LY9: variants seen among roughly 807,000 people sequenced by gnomAD.
LY9 encodes lymphocyte antigen 9, also known as T-lymphocyte surface antigen Ly-9.
Under a neutral mutation model 64.6 loss-of-function variants are expected in LY9, and 59 were observed. That is an observed-to-expected ratio of 0.91 (90% CI 0.74 to 1.13). LY9 has a LOEUF of 1.13. Among genes scored for constraint, LY9 ranks in the 50% most tolerant of loss-of-function variants. The pLI is 0.00. For missense variants in LY9, 789 were observed against 797.2 expected, an observed-to-expected ratio of 0.99 and a Z score of 0.12; for synonymous variants, 281 against 308.5, an observed-to-expected ratio of 0.91 and a Z score of 0.93.
At chr1:160,807,175 G>T (rs548825765) in intron 2 of LY9, among the ~76,000 whole-genome samples, 1 of 151,894 alleles carries the variant, frequency 6.6e-6, no homozygotes, top group African/African-American at 2.4e-5. Context: ...GAATTCTCTT[G>T]TATCTCACTG....
At chr1:160,813,506 T>A (rs1667687307) in intron 2 of LY9, 130 bp from the exon 3 acceptor site, 1 of 815,034 alleles carries the variant, frequency 1.2e-6, no homozygotes, top group Non-Finnish European at 1.9e-6. Flanking sequence ...GCAGAGAAGA[T>A]GTCCCTGCGA....
intron 2 of LY9, chr1:160,801,758 T>A (rs1229635153): frequency 6.5e-7 from 1 of 1,549,620 alleles, no homozygotes; most frequent in Non-Finnish European, 8.9e-7. Flanking sequence ...TTCAACTTCA[T>A]TCTTCTGCAT....
chr1:160,815,095 C>G (rs1394007849), intron 4 of LY9: 1 of 243,292 alleles, frequency 4.1e-6, no homozygotes, highest in Non-Finnish European at 8.1e-6. Flanking sequence ...AATCCCGGTA[C>G]TTTGGGAGGC....
chr1:160,823,921 A>C, intron 8 of LY9, 125 bp downstream of exon 8: 1 of 817,552 alleles, frequency 1.2e-6, no homozygotes, highest in Non-Finnish European at 2.0e-6. Context: ...GCATACGGGC[A>C]GGGACTCATG....
chr1:160,811,579 A>C (rs1667477566), intron 2 of LY9: 1 of 152,208 alleles, frequency 6.6e-6, no homozygotes, highest in African/African-American at 2.4e-5. Context: ...AAATCTCCAC[A>C]GCTAAGTACC....
chr1:160,822,287 T>C (rs1668530084), intron 7 of LY9, among the ~76,000 whole-genome samples: 7 of 152,038 alleles, frequency 4.6e-5, no homozygotes, highest in Admixed American at 4.6e-4. Flanking sequence ...AGTTCTATAG[T>C]CCAGTTTGAG....
chr1:160,800,749 T>A lies in LY9; in HGVS notation c.454+667T>A, dbSNP rs182684622. Among the ~76,000 whole-genome samples the A allele has an allele frequency of 4.1e-4, 62 of 152,316 alleles. 1 individual carries two copies. The highest frequency in any genetic ancestry group is 1.4e-3 in the African/African-American group (57 of 41,568). On this transcript the variant is annotated intron_variant, in intron 2 of 9. Coordinates refer to ENST00000263285, the MANE Select transcript of LY9 (RefSeq NM_002348.4). The stretch of plus-strand genomic sequence containing the variant: ...CGCTATCCATTATTCCTACTCTGTA[T>A]GTCCATGTGTACCCATTGCTTCCAC...
At chr1:160,805,751 A>ACACC (rs1558088435) in intron 2 of LY9, among the ~76,000 whole-genome samples, 2 of 130,576 alleles carry the variant, frequency 1.5e-5, no homozygotes, top group African/African-American at 7.5e-5. Flanking sequence ...TCACACACAC[A>ACACC]CACACACACA....
At chr1:160,811,860 A>G (rs1328682865) in intron 2 of LY9, 1 of 152,156 alleles carries the variant, frequency 6.6e-6, no homozygotes, top group Non-Finnish European at 1.5e-5. Context: ...ATTTTCGTTA[A>G]CATTCATGTT....
At chr1:160,797,947 C>A in intron 1 of LY9, among the ~76,000 whole-genome samples, 1 of 151,954 alleles carries the variant, frequency 6.6e-6, no homozygotes. Flanking sequence ...ATTACTGTTA[C>A]GTGCATTCTT....
intron 2 of LY9, among the ~76,000 whole-genome samples, chr1:160,803,289 AAT>A (rs1558086193): frequency 6.6e-6 from 1 of 151,160 alleles, no homozygotes; most frequent in African/African-American, 2.4e-5. Flanking sequence ...TCTAAAAAAA[AAT>A]TTTTTTTTTT....
At chr1:160,818,129 A>T in intron 5 of LY9, 89 bp from the exon 6 acceptor site, 1 of 794,462 alleles carries the variant, frequency 1.3e-6, no homozygotes, top group Non-Finnish European at 2.1e-6. Flanking sequence ...TTTAAGGGGC[A>T]GGTAGGATGG....
chr1:160,821,637 G>A (rs1306023224), intron 7 of LY9, among the ~76,000 whole-genome samples: 1 of 152,100 alleles, frequency 6.6e-6, no homozygotes, highest in African/African-American at 2.4e-5. Flanking sequence ...AGCCCCTAAT[G>A]GCCTTTGTCT....
chr1:160,803,048 G>A (rs1019169902), intron 2 of LY9, among the ~76,000 whole-genome samples: 1 of 152,138 alleles, frequency 6.6e-6, no homozygotes, highest in African/African-American at 2.4e-5. Context: ...TTGGGAGGCT[G>A]AGGCAGGCAG....
intron 7 of LY9, among the ~76,000 whole-genome samples, chr1:160,819,840 G>T (rs868598533): frequency 1.1e-5 from 1 of 94,488 alleles, no homozygotes; most frequent in Non-Finnish European, 2.1e-5. Context: ...AGAAAGAAAG[G>T]AAGGAAGGAA....
At chr1:160,797,208 T>C in intron 1 of LY9, 2 of 985,538 alleles carry the variant, frequency 2.0e-6, no homozygotes, top group Non-Finnish European at 2.4e-6. Flanking sequence ...CTCAGCCACC[T>C]GGGACTGTGG....
At chr1:160,823,886 C>G in intron 8 of LY9, 90 bp downstream of exon 8, 1 of 1,105,952 alleles carries the variant, frequency 9.0e-7, no homozygotes, top group Admixed American at 1.9e-5. Flanking sequence ...AAACTGGGGG[C>G]TGGGGCCTGG....
Position 160,813,917 on chromosome 1 carries a change from T to G in LY9, c.730+6T>G, listed in dbSNP as rs1215561418. 4.4e-6 allele frequency: 7 copies of G among 1,609,046 alleles called. No homozygotes were observed. Among genetic ancestry groups the G allele is most frequent in the Non-Finnish European group, 5.9e-6 (7 of 1,177,486 alleles). On this transcript the variant is annotated splice_donor_region_variant and intron_variant, in intron 3 of 9. Coordinates refer to ENST00000263285, the MANE Select transcript of LY9 (RefSeq NM_002348.4). ...TGTTGGGCAGTTCTGTACAGGTAAC[T>G]GGCTCCAACTTGGCCCTTGAGGGAA...
At chr1:160,816,046 A>G (rs568828605) in intron 4 of LY9, among the ~76,000 whole-genome samples, 4 of 152,322 alleles carry the variant, frequency 2.6e-5, no homozygotes, top group African/African-American at 9.6e-5. Flanking sequence ...GTCCATGCCT[A>G]TTGCACACAA....
Sources: gnomAD v4.1 joint callset for allele counts (sites outside exome capture counted in the v4.1 genomes callset) on GRCh38, gnomAD v4.1.1 for gene constraint, MANE v1.5 for transcripts, NCBI Gene and HGNC (gene_info 2026-07-23, HGNC 2026-07-21) for gene names.